Variants in DHX36 observed in about 807,000 individuals in gnomAD.
The protein encoded by DHX36 is ATP-dependent DNA/RNA helicase DHX36.
DHX36 carries 50 observed loss-of-function variants against 139.0 expected under a neutral mutation model. The ratio of observed to expected loss-of-function variants is 0.36; its 90% CI spans 0.29 to 0.46. The LOEUF (loss-of-function observed/expected upper bound fraction) is 0.46. Ranked by LOEUF, DHX36 falls within the 20% of genes least tolerant of loss-of-function variation. The probability of loss-of-function intolerance (pLI) is 1.00; values close to 1 mark genes in which losing one functional copy is unlikely to be tolerated. For synonymous variants in DHX36, 425 were observed against 401.9 expected, an observed-to-expected ratio of 1.06 and a Z score of -0.69; for missense variants, 1,024 against 1,211.3, an observed-to-expected ratio of 0.85 and a Z score of 2.29.
chr3:154,284,566 A>G lies in DHX36; in HGVS notation c.2292+17T>C, dbSNP rs533904004. 1.3e-6 allele frequency: 2 copies of G among 1,548,042 alleles called. No individual in the cohort carries two copies. Among genetic ancestry groups the G allele is most frequent in the Non-Finnish European group, 1.8e-6 (2 of 1,137,410 alleles). ...GAATAAACTATCATAATCCAGGACA[A>G]AATTTTTTTTTTTTACCTCAAACGC... On this transcript the variant is annotated intron_variant, in intron 19 of 24. Transcript: ENST00000496811.
Position 154,315,186 on chromosome 3 carries a change from A to C in DHX36, c.463T>G (p.Phe155Val), listed in dbSNP as rs1393934825. 8.1e-6 allele frequency: 13 copies of C among 1,613,182 alleles called. No homozygotes were observed. The highest frequency in any genetic ancestry group is 1.0e-5 in the Non-Finnish European group (12 of 1,179,486). ...ATATATGATCTGTTCCTGATTCTAA[A>C]CATTTTTTTTTCTTGATTTATCAAC... ...KKLINQEKKM[F>V]RIRNRSYIDR... is the part of the protein sequence containing the mutation. The change falls in exon 3 of 25, where the codon TTT (phenylalanine) becomes GTT (valine). Residue 155 changes from phenylalanine (F) to valine (V), a missense_variant. By Grantham distance (50) the Phe-to-Val change is conservative. Coordinates refer to ENST00000496811, the MANE Select transcript of DHX36 (RefSeq NM_020865.3).
chr3:154,295,450 A>G (rs1315587450), intron 12 of DHX36, 111 bp from the exon 13 acceptor site: 1 of 490,540 alleles, frequency 2.0e-6, no homozygotes, highest in East Asian at 3.6e-5. Context: ...TTTTTTTGAT[A>G]AGACATTGAA....
chr3:154,316,149 G>C lies in DHX36; in HGVS notation c.258C>G (p.His86Gln), dbSNP rs1429562996. 1 of 1,613,128 alleles carries C rather than the reference G, an allele frequency of 6.2e-7. No individual in the cohort carries two copies. Among genetic ancestry groups the C allele is most frequent in the Admixed American group, 1.7e-5 (1 of 59,932 alleles). Reference protein sequence around the residue: ...EAERQERAVVHMDERREEQIV... With the variant: ...EAERQERAVVQMDERREEQIV... ...TTTGTTCTTCTCGTCGTTCATCCAT[G>C]TGTACTACAGCTCTCTAGTTTGTGC... Residue 86 changes from histidine to glutamine, a missense_variant, in exon 2 of 25, where the codon CAC (histidine) becomes CAG (glutamine). Physicochemically the swap from His to Gln is conservative, Grantham distance 24. This residue lies in a region of DHX36 where 293 missense variants were observed against 274.4 expected (regional missense o/e 1.07). Transcript: ENST00000496811.
intron 1 of DHX36, among the ~76,000 whole-genome samples, chr3:154,322,677 T>C (rs1373194365): frequency 6.6e-6 from 1 of 152,226 alleles, no homozygotes; most frequent in South Asian, 2.1e-4. Context: ...ATACCCTTCA[T>C]GTGGAAACAA....
At chr3:154,279,467 A>G (rs1412178331) in intron 22 of DHX36, 1 of 152,234 alleles carries the variant, frequency 6.6e-6, no homozygotes, top group Admixed American at 6.5e-5. Context: ...TTAGGTACAC[A>G]CATACAAAAA....
At position 154,295,332 on chromosome 3, in the gene DHX36, A is replaced by G. The variant is rs1240142872; in HGVS notation, c.1557T>C (p.Phe519=). 6.6e-7 allele frequency: 1 copy of G among 1,514,654 alleles called. No individual in the cohort carries two copies. Among genetic ancestry groups the G allele is most frequent in the East Asian group, 2.3e-5 (1 of 42,602 alleles). The allele number at this position is 1,514,654 out of a possible 1,614,324, so 93.8% of individuals were successfully genotyped here. The part of the protein sequence containing the change: ...MSQVMFKSDK[F]LIIPLHSLMP... ...TCAGTGAATGTAAAGGTATAATTAA[A>G]AATTTATCTGAAAATTAAAGAGAAT... Residue 519 remains phenylalanine, a synonymous_variant, in exon 13 of 25, where the codon TTT becomes TTC. Transcript: ENST00000496811.
At position 154,300,970 on chromosome 3, in the gene DHX36, A is replaced by G; in HGVS notation, c.1358+17T>C. The G allele has an allele frequency of 3.1e-6, 5 of 1,609,196 alleles. No homozygotes were observed. The highest frequency in any genetic ancestry group is 4.2e-6 in the Non-Finnish European group (5 of 1,179,018). On this transcript the variant is annotated intron_variant, in intron 10 of 24. Transcript: ENST00000496811. ...ATTTAGCCACTGATTTCTCACCTTCAGACAAAATAAACTTACCTTCTTCGC... is the reference window on the plus strand; with the variant it reads ...ATTTAGCCACTGATTTCTCACCTTCGGACAAAATAAACTTACCTTCTTCGC...
intron 3 of DHX36, 101 bp from the exon 4 acceptor site, chr3:154,311,775 A>G (rs567145979): frequency 3.0e-5 from 25 of 837,086 alleles, no homozygotes; most frequent in Middle Eastern, 2.7e-4. Context: ...CTAGAATCCG[A>G]AAGTATTTTT....
chr3:154,295,514 T>A (rs914492045), intron 12 of DHX36, among the ~76,000 whole-genome samples, 175 bp from the exon 13 acceptor site: 14 of 152,192 alleles, frequency 9.2e-5, no homozygotes, highest in Non-Finnish European at 1.9e-4. Flanking sequence ...GCCCATGTGT[T>A]TAAGTGAACC....
chr3:154,285,967 T>C (rs1419710567), intron 17 of DHX36, among the ~76,000 whole-genome samples: 1 of 151,558 alleles, frequency 6.6e-6, no homozygotes, highest in Non-Finnish European at 1.5e-5. Context: ...TAATGGCAAA[T>C]TGAATGCTGG....
intron 10 of DHX36, 28 bp from the exon 11 acceptor site, chr3:154,300,724 A>C (rs2108351607): frequency 6.4e-7 from 1 of 1,554,294 alleles, no homozygotes; most frequent in East Asian, 2.2e-5. Context: ...AAAGTCATGA[A>C]ATACTTAATC....
intron 3 of DHX36, 78 bp from the exon 4 acceptor site, chr3:154,311,752 C>T (rs936527889): frequency 8.8e-7 from 1 of 1,135,000 alleles, no homozygotes; most frequent in Non-Finnish European, 1.3e-6. Context: ...GGATACATCA[C>T]AGGGTAAATT....
chr3:154,303,058 C>CAG (rs1712362520), intron 9 of DHX36, among the ~76,000 whole-genome samples: 1 of 152,070 alleles, frequency 6.6e-6, no homozygotes, highest in African/African-American at 2.4e-5. Flanking sequence ...GGCTAGGCGA[C>CAG]AGAGAGAGAC....
chr3:154,317,868 G>A (rs1010190522), intron 1 of DHX36, among the ~76,000 whole-genome samples: 7 of 151,794 alleles, frequency 4.6e-5, no homozygotes, highest in African/African-American at 1.2e-4. Flanking sequence ...TAAAACTAAT[G>A]ACCCAGTACA....
rs1559950357 is a variant in DHX36, at chr3:154,293,815, G to A, written c.1606-3C>T. On this transcript the variant is annotated splice_region_variant and splice_polypyrimidine_tract_variant and intron_variant, in intron 13 of 24. Transcript: ENST00000496811. ...CCAGGAGGGGTTCTTTTAAACACCT[G>A]TAAAAATAAATACATCAGAATCACA... The A allele has an allele frequency of 6.2e-7, 1 of 1,608,162 alleles. No individual in the cohort carries two copies. The highest frequency in any genetic ancestry group is 2.2e-5 in the East Asian group (1 of 44,730).
chr3:154,278,314 A>C (rs1719220202), intron 22 of DHX36, among the ~76,000 whole-genome samples: 1 of 152,050 alleles, frequency 6.6e-6, no homozygotes. Context: ...ATAGTCATAC[A>C]CATTTTATCT....
chr3:154,309,885 T>C (rs1454471882), intron 4 of DHX36, 62 bp from the exon 5 acceptor site: 1 of 1,307,672 alleles, frequency 7.6e-7, no homozygotes, highest in Non-Finnish European at 1.0e-6. Flanking sequence ...AAGATATTAA[T>C]CAAAATTCGA....
intron 12 of DHX36, among the ~76,000 whole-genome samples, chr3:154,296,136 A>G (rs1712036653): frequency 6.6e-6 from 1 of 152,176 alleles, no homozygotes; most frequent in South Asian, 2.1e-4. Context: ...CTTATTAAAT[A>G]CCCATGTCCT....
At chr3:154,292,758 CACAT>C (rs764848770) in intron 14 of DHX36, 64 bp from the exon 15 acceptor site, 7 of 1,253,802 alleles carry the variant, frequency 5.6e-6, no homozygotes, top group African/African-American at 1.5e-5. Flanking sequence ...CACACACACA[CACAT>C]CGAAAGCACT....
Sources: allele counts gnomAD v4.1 joint callset (sites outside exome capture counted in the v4.1 genomes callset), GRCh38; gene constraint gnomAD v4.1.1; regional missense constraint gnomAD v4.1.1; transcripts MANE v1.5; gene names NCBI Gene and HGNC (gene_info 2026-07-23, HGNC 2026-07-21).